Variants in COP1 observed in about 807,000 individuals in gnomAD.
COP1 encodes E3 ubiquitin-protein ligase COP1.
Under a neutral mutation model 101.3 loss-of-function variants are expected in COP1, and 24 were observed. The ratio of observed to expected loss-of-function variants is 0.24; its 90% confidence interval spans 0.17 to 0.33. The LOEUF (loss-of-function observed/expected upper bound fraction) is 0.33. COP1 is among the 10% of genes least tolerant of loss of function. COP1 has a pLI of 1.00. For missense variants in COP1, 663 were observed against 906.2 expected, an observed-to-expected ratio of 0.73 and a Z score of 3.45; for synonymous variants, 347 against 341.9, an observed-to-expected ratio of 1.01 and a Z score of -0.17.
intron 3 of COP1, among the ~76,000 whole-genome samples, chr1:176,174,560 TA>T (rs34854187): frequency 0.76 from 114,488 of 150,852 alleles, 44,990 homozygotes; most frequent in East Asian, 0.92. Flanking sequence ...TTTTCCTTCA[TA>T]AAAAAAAAAT....
chr1:175,951,463 A>T (rs10526463), intron 18 of COP1, among the ~76,000 whole-genome samples: 581 of 39,556 alleles, frequency 0.015, 22 homozygotes, highest in East Asian at 0.086. Flanking sequence ...TATATATATA[A>T]AAACTTCCAT....
At chr1:176,165,370 G>A (rs911843602) in intron 3 of COP1, among the ~76,000 whole-genome samples, 12 of 129,140 alleles carry the variant, frequency 9.3e-5, no homozygotes, top group African/African-American at 1.5e-4. Context: ...TCGTGTGTGT[G>A]TGTGTGTGTG....
chr1:175,993,679 A>T (rs558768496), intron 15 of COP1, among the ~76,000 whole-genome samples: 3 of 152,276 alleles, frequency 2.0e-5, no homozygotes, highest in East Asian at 1.9e-4. Context: ...TGAAGCGAGA[A>T]GGGAAGTTTA....
chr1:176,191,818 T>C (rs1289212677), intron 1 of COP1, among the ~76,000 whole-genome samples: 1 of 152,128 alleles, frequency 6.6e-6, no homozygotes, highest in African/African-American at 2.4e-5. Flanking sequence ...TCCTCCCTAA[T>C]CTGTCTCCAT....
chr1:176,165,152 G>C (rs994164693), intron 3 of COP1, among the ~76,000 whole-genome samples: 3 of 152,120 alleles, frequency 2.0e-5, no homozygotes, highest in African/African-American at 7.2e-5. Context: ...AGATGCATAT[G>C]ATACAGTACT....
chr1:175,993,424 T>C (rs935161409), intron 15 of COP1, among the ~76,000 whole-genome samples: 4 of 151,906 alleles, frequency 2.6e-5, no homozygotes, highest in Non-Finnish European at 5.9e-5. Context: ...GAGAAGAAGG[T>C]TTCAGATGAT....
chr1:176,067,799 C>T (rs1371518005), intron 11 of COP1, among the ~76,000 whole-genome samples: 1 of 152,172 alleles, frequency 6.6e-6, no homozygotes, highest in East Asian at 1.9e-4. Flanking sequence ...ATGGCAAAAC[C>T]AAAACAGCAT....
At chr1:176,024,975 T>C (rs1667418245) in intron 15 of COP1, among the ~76,000 whole-genome samples, 1 of 152,152 alleles carries the variant, frequency 6.6e-6, no homozygotes, top group Non-Finnish European at 1.5e-5. Flanking sequence ...TAATTTAATA[T>C]ATGGATTTAA....
chr1:176,042,885 C>T (rs912931862), intron 14 of COP1, among the ~76,000 whole-genome samples: 1 of 151,618 alleles, frequency 6.6e-6, no homozygotes, highest in Admixed American at 6.6e-5. Flanking sequence ...AAAAATTAGC[C>T]AGGCATGGTG....
rs145911414 is a variant in COP1 at position 175,957,277 on chromosome 1, A to G, written c.2134-10038T>C. ...ACTCACCGAGAGCAGCTTCTACTCCACCAAGCTCCATTCATGGTAATGCCC... is the reference window on the plus strand; with the variant it reads ...ACTCACCGAGAGCAGCTTCTACTCCGCCAAGCTCCATTCATGGTAATGCCC... On this transcript the variant is annotated intron_variant, in intron 18 of 19. Coordinates refer to ENST00000367669, the MANE Select transcript of COP1 (RefSeq NM_022457.7). Among the ~76,000 whole-genome samples, 394 of 151,864 alleles carry G rather than the reference A, an allele frequency of 2.6e-3. 3 individuals carry two copies. Among genetic ancestry groups the G allele is most frequent in the African/African-American group, 9.1e-3 (376 of 41,378 alleles).
chr1:176,051,599 C>T (rs1478488791), intron 11 of COP1, among the ~76,000 whole-genome samples: 1 of 151,922 alleles, frequency 6.6e-6, no homozygotes, highest in African/African-American at 2.4e-5. Flanking sequence ...AACAAACAAA[C>T]TGTAAAGCAG....
intron 8 of COP1, among the ~76,000 whole-genome samples, chr1:176,117,181 C>T (rs955906594): frequency 3.3e-5 from 5 of 152,158 alleles, no homozygotes; most frequent in African/African-American, 9.7e-5. Flanking sequence ...ATTTATATAT[C>T]ATCTAGAGTC....
In COP1 at chr1:176,027,593, G is replaced by T. The variant is rs769472624; in HGVS notation, c.1708C>A (p.His570Asn). The T allele has an allele frequency of 2.5e-6, 4 of 1,611,662 alleles. No homozygotes were observed. The South Asian group carries it at 3.3e-5, about 13-fold the overall frequency. Residue 570 changes from histidine to asparagine, a missense_variant, in exon 15 of 20, where the codon CAT becomes AAT. Transcript: ENST00000367669. ...TTACCTGCACAGCCGAAAGCCAAAT[G>T]GTATCTGGAAGAGGGGCTGAATTTA... ...CVKFSPSSRY[H>N]LAFGCADHCV... is the part of the protein sequence containing the mutation.
At chr1:176,167,713 G>C (rs1695350578) in intron 3 of COP1, among the ~76,000 whole-genome samples, 1 of 152,146 alleles carries the variant, frequency 6.6e-6, no homozygotes, top group Admixed American at 6.5e-5. Context: ...TTTAGAGGCA[G>C]AACAGTACAG....
chr1:176,058,056 C>T (rs1473149250), intron 11 of COP1, among the ~76,000 whole-genome samples: 4 of 147,224 alleles, frequency 2.7e-5, no homozygotes, highest in African/African-American at 4.9e-5. Flanking sequence ...GCCCTCCGCC[C>T]GGCAGCCGCC....
At chr1:176,040,670 C>T (rs945462817) in intron 14 of COP1, among the ~76,000 whole-genome samples, 3 of 152,170 alleles carry the variant, frequency 2.0e-5, no homozygotes, top group African/African-American at 4.8e-5. Flanking sequence ...GAATAAACAA[C>T]TTGCTACTCT....
chr1:176,035,710 CAAAA>C (rs71129541), intron 14 of COP1, among the ~76,000 whole-genome samples: 3 of 73,108 alleles, frequency 4.1e-5, no homozygotes, highest in African/African-American at 2.1e-4. Context: ...AAAACGAGAC[CAAAA>C]AAAAAAAAAA....
At chr1:175,951,462 A>ATATATATAT (rs1491471530) in intron 18 of COP1, among the ~76,000 whole-genome samples, 2 of 49,652 alleles carry the variant, frequency 4.0e-5, no homozygotes, top group African/African-American at 1.2e-4. Flanking sequence ...ATATATATAT[A>ATATATATAT]AAAACTTCCA....
At chr1:176,104,406 A>G (rs1164500094) in intron 9 of COP1, among the ~76,000 whole-genome samples, 4 of 152,162 alleles carry the variant, frequency 2.6e-5, no homozygotes, top group Non-Finnish European at 5.9e-5. Context: ...GGTCATAGGT[A>G]ACAGACTAGT....
Sources: gnomAD v4.1 joint callset for allele counts (sites outside exome capture counted in the v4.1 genomes callset) on GRCh38, gnomAD v4.1.1 for gene constraint, MANE v1.5 for transcripts, NCBI Gene and HGNC (gene_info 2026-07-23, HGNC 2026-07-21) for gene names.